Variants in NEMP2 observed in about 807,000 individuals in gnomAD.
The protein encoded by NEMP2 is UPF0571 transmembrane protein.
NEMP2 carries 53 observed loss-of-function variants against 54.2 expected under a neutral mutation model. The observed-to-expected ratio is 0.98, with a 90% confidence interval of 0.78 to 1.23. The LOEUF is 1.23. Among genes scored for constraint, NEMP2 ranks in the 50% most tolerant of loss-of-function variants. The pLI is 0.00. For synonymous variants in NEMP2, 197 were observed against 190.3 expected, an observed-to-expected ratio of 1.04 and a Z score of -0.29; for missense variants, 455 against 511.3, an observed-to-expected ratio of 0.89 and a Z score of 1.06.
At chr2:190,636,693 A>C in the NEMP2 span, among the ~76,000 whole-genome samples, 1 of 152,208 alleles carries the variant, frequency 6.6e-6, no homozygotes. Context: ...TCAGCTACTA[A>C]AGTGCTGAAG....
At chr2:190,645,197 T>A in the NEMP2 span, among the ~76,000 whole-genome samples, 1 of 152,196 alleles carries the variant, frequency 6.6e-6, no homozygotes, top group African/African-American at 2.4e-5. Flanking sequence ...ATATAAGGAA[T>A]AAGCCTGGGA....
chr2:190,595,066 CTTATT>C, the NEMP2 span, among the ~76,000 whole-genome samples: 1 of 152,098 alleles, frequency 6.6e-6, no homozygotes, highest in Non-Finnish European at 1.5e-5. The surrounding 1 kb of genome is among the most constrained non-coding windows in gnomAD (Gnocchi z 4.0). Flanking sequence ...AGAAATAATG[CTTATT>C]TTAAAGTATG....
At chr2:190,614,038 C>T in the NEMP2 span, among the ~76,000 whole-genome samples, 1 of 140,524 alleles carries the variant, frequency 7.1e-6, no homozygotes, top group East Asian at 2.1e-4. The surrounding 1 kb of genome is among the most constrained non-coding windows in gnomAD (Gnocchi z 5.7). Flanking sequence ...TTAATTAGAA[C>T]TCTTTTATAT....
chr2:190,448,026 C>A, the NEMP2 span, among the ~76,000 whole-genome samples: 1 of 152,206 alleles, frequency 6.6e-6, no homozygotes, highest in Non-Finnish European at 1.5e-5. Flanking sequence ...ACATGGTTTT[C>A]TTTCTCTTCC....
At chr2:190,430,013 C>T in the NEMP2 span, among the ~76,000 whole-genome samples, 1 of 142,246 alleles carries the variant, frequency 7.0e-6, no homozygotes, top group African/African-American at 2.6e-5. Context: ...CACCCCCCAA[C>T]AGGCCCCAGT....
chr2:190,576,665 C>G, the NEMP2 span, among the ~76,000 whole-genome samples: 1 of 151,968 alleles, frequency 6.6e-6, no homozygotes, highest in South Asian at 2.1e-4. Flanking sequence ...TCCACTTGTG[C>G]TGTGCTGACT....
At chr2:190,614,438 TAAAAAC>T in the NEMP2 span, among the ~76,000 whole-genome samples, 7 of 151,870 alleles carry the variant, frequency 4.6e-5, no homozygotes, top group East Asian at 5.8e-4. The surrounding 1 kb of genome is among the most constrained non-coding windows in gnomAD (Gnocchi z 5.7). Flanking sequence ...AGGAGAGAAA[TAAAAAC>T]AAAAACAAAA....
chr2:190,509,250 T>A lies in NEMP2; in HGVS notation c.1193A>T (p.Glu398Val). Residue 398 changes from glutamate (E) to valine (V), a missense_variant, in exon 9 of 9, where the codon GAG becomes GTG. This residue lies in a region of NEMP2 where 294 missense variants were observed against 333.6 expected (regional missense o/e 0.88). Coordinates refer to ENST00000409150, the MANE Select transcript of NEMP2 (RefSeq NM_001142645.2). The surrounding 1 kb of genome is among the most constrained non-coding windows in gnomAD (Gnocchi z 6.1). ...GAAGGCACCCCCAAGGCCATACTGC[T>A]CTTCATGCAGACTGATTTCTTCAGG... ...LSPEEISLHE[E>V]QYGLGGAFLE... is the part of the protein sequence containing the mutation. 6.4e-7 allele frequency: 1 copy of A among 1,551,746 alleles called. No individual in the cohort carries two copies. Among genetic ancestry groups the A allele is most frequent in the South Asian group, 1.2e-5 (1 of 84,062 alleles).
chr2:190,514,611 G>A lies in NEMP2; in HGVS notation c.795C>T (p.Asp265=). 6.4e-7 allele frequency: 1 copy of A among 1,551,714 alleles called. No homozygotes were observed. The highest frequency in any genetic ancestry group is 1.4e-5 in the African/African-American group (1 of 73,162). Residue 265 remains aspartate, a synonymous_variant, in exon 7 of 9, where the codon GAC becomes GAT. Transcript: ENST00000409150. The surrounding 1 kb of genome is among the most constrained non-coding windows in gnomAD (Gnocchi z 5.7). ...VCYKHGPLAD[D]RSRSLLMWML... is the part of the protein sequence containing the mutation. ...TCCACATCAGAAGACTTCTGCTCCT[G>A]TCGTCTGCAAGGGGCCCATGCTTGT... is the stretch of plus-strand genomic sequence containing the variant.
At chr2:190,436,674 A>G in the NEMP2 span, 1 of 1,614,216 alleles carries the variant, frequency 6.2e-7, no homozygotes, top group Non-Finnish European at 8.5e-7. The surrounding 1 kb of genome is among the most constrained non-coding windows in gnomAD (Gnocchi z 5.3). Flanking sequence ...TTACTTTGCC[A>G]ACAGCTCCAA....
chr2:190,421,430 C>T, the NEMP2 span, among the ~76,000 whole-genome samples: 1 of 152,082 alleles, frequency 6.6e-6, no homozygotes, highest in South Asian at 2.1e-4. Flanking sequence ...ATTTCTTTCT[C>T]AGTTTTTATT....
the NEMP2 span, chr2:190,463,762 T>C: frequency 7.8e-6 from 4 of 512,504 alleles, no homozygotes; most frequent in African/African-American, 2.1e-5. The surrounding 1 kb of genome is among the most constrained non-coding windows in gnomAD (Gnocchi z 4.4). Context: ...CAAGGCTGCA[T>C]TGAGCTGTGA....
At chr2:190,583,186 G>C in the NEMP2 span, among the ~76,000 whole-genome samples, 3 of 151,742 alleles carry the variant, frequency 2.0e-5, no homozygotes, top group African/African-American at 7.3e-5. Flanking sequence ...AAACTTGATG[G>C]GCAGAAGGAG....
rs974809341 is a variant in NEMP2 at position 190,519,081 on chromosome 2, G to T, written c.316C>A (p.His106Asn). 6.4e-7 allele frequency: 1 copy of T among 1,550,584 alleles called. No individual in the cohort carries two copies. Among genetic ancestry groups the T allele is most frequent in the Admixed American group, 2.0e-5 (1 of 50,978 alleles). The change falls in exon 3 of 9, where the codon CAT becomes AAT. Residue 106 changes from histidine (H) to asparagine (N), a missense_variant. By Grantham distance (68) the His-to-Asn change is moderately conservative. Around this residue, in one of 3 missense-constraint regions of NEMP2, gnomAD observed 61 missense variants for 97.5 expected, o/e 0.63. Coordinates refer to ENST00000409150, the MANE Select transcript of NEMP2 (RefSeq NM_001142645.2). The surrounding 1 kb of genome is among the most constrained non-coding windows in gnomAD (Gnocchi z 5.4). ...GATTCCTTTGGTATCCAAAAGTTATGAATCACACATTTGATAAAAGATAGA... is the reference window on the plus strand; with the variant it reads ...GATTCCTTTGGTATCCAAAAGTTATTAATCACACATTTGATAAAAGATAGA... ...NILSFIKCVI[H>N]NFWIPKESNE...
chr2:190,470,882 C>T, the NEMP2 span, among the ~76,000 whole-genome samples: 1 of 151,472 alleles, frequency 6.6e-6, no homozygotes, highest in Non-Finnish European at 1.5e-5. Context: ...TTTATATTCA[C>T]ATTATAATTA....
chr2:190,508,855 G>T lies in NEMP2; in HGVS notation c.*334C>A. The T allele has an allele frequency of 3.6e-6, 1 of 275,888 alleles. No individual in the cohort carries two copies. 17.1% of individuals were successfully genotyped at this position (275,888 alleles called of 1,614,324 possible). On this transcript the variant is annotated 3_prime_UTR_variant, in exon 9 of 9. Transcript: ENST00000409150. This position sits in a 1 kb window ranked among gnomAD's most constrained non-coding sequence, Gnocchi z 4.3. ...GTTCAGGGGATTAAGACCAGATTTA[G>T]TGCCCTGGTGTCGACAAAGCACCTG...
At chr2:190,490,429 G>C in the NEMP2 span, among the ~76,000 whole-genome samples, 37 of 152,082 alleles carry the variant, frequency 2.4e-4, no homozygotes, top group Non-Finnish European at 4.1e-4. This position sits in a 1 kb window ranked among gnomAD's most constrained non-coding sequence, Gnocchi z 4.5. Flanking sequence ...CGGGCACGGT[G>C]GTGGGCGCCT....
chr2:190,551,440 G>T, the NEMP2 span, among the ~76,000 whole-genome samples: 2 of 142,134 alleles, frequency 1.4e-5, no homozygotes, highest in African/African-American at 5.2e-5. Context: ...TGTTTTCTTT[G>T]CTCTTCTGTT....
the NEMP2 span, among the ~76,000 whole-genome samples, chr2:190,562,735 TG>T: frequency 0.011 from 1,734 of 152,312 alleles, 38 homozygotes; most frequent in African/African-American, 0.038. The surrounding 1 kb of genome is among the most constrained non-coding windows in gnomAD (Gnocchi z 5.0). Flanking sequence ...TTAAATATCA[TG>T]TATAGCTACA....
Sources: gnomAD v4.1 joint callset for allele counts (sites outside exome capture counted in the v4.1 genomes callset) on GRCh38, gnomAD v4.1.1 for gene constraint, gnomAD v4.1.1 regional missense constraint, Gnocchi (gnomAD v3.1) non-coding constraint, MANE v1.5 for transcripts, NCBI Gene and HGNC (gene_info 2026-07-23, HGNC 2026-07-21) for gene names.